Variants in GTF2E2 observed in about 807,000 individuals in gnomAD.
GTF2E2 encodes the protein transcription initiation factor IIE subunit beta.
In GTF2E2, 21 loss-of-function variants were observed where a neutral mutation model predicts 40.5. That is an observed-to-expected ratio of 0.52 (90% CI 0.37 to 0.75). GTF2E2 has a LOEUF of 0.75. Among genes scored for constraint, GTF2E2 ranks in the 30% least tolerant of loss-of-function variants. GTF2E2 has a pLI of 0.00. For synonymous variants in GTF2E2, 117 were observed against 121.6 expected, an observed-to-expected ratio of 0.96 and a Z score of 0.25; for missense variants, 298 against 338.4, an observed-to-expected ratio of 0.88 and a Z score of 0.94.
At chr8:30,610,618 T>C (rs1254298850) in intron 5 of GTF2E2, among the ~76,000 whole-genome samples, 1 of 152,076 alleles carries the variant, frequency 6.6e-6, no homozygotes, top group Non-Finnish European at 1.5e-5. Flanking sequence ...GGTCTCTTCA[T>C]CAAGACACTG....
chr8:30,625,955 C>G (rs1472975942), intron 3 of GTF2E2, among the ~76,000 whole-genome samples: 3 of 152,136 alleles, frequency 2.0e-5, no homozygotes, highest in African/African-American at 4.8e-5. Context: ...AATTGGTAAG[C>G]TCTATATGGC....
chr8:30,615,617 A>T (rs1800898667), intron 3 of GTF2E2, among the ~76,000 whole-genome samples: 1 of 152,226 alleles, frequency 6.6e-6, no homozygotes, highest in Non-Finnish European at 1.5e-5. Flanking sequence ...ATAAGTTAAA[A>T]AACATATGTA....
chr8:30,646,436 GGGCT>G (rs1802078740), intron 2 of GTF2E2, among the ~76,000 whole-genome samples: 4 of 151,078 alleles, frequency 2.6e-5, no homozygotes, highest in South Asian at 2.1e-4. Flanking sequence ...GGAATTCCAA[GGGCT>G]ATATAGATAT....
chr8:30,592,597 C>T (rs2979502), intron 6 of GTF2E2, among the ~76,000 whole-genome samples: 59,375 of 151,976 alleles, frequency 0.39, 12,056 homozygotes, highest in African/African-American at 0.51. Context: ...TACATATAAC[C>T]TATGCCTATC....
intron 2 of GTF2E2, chr8:30,646,029 T>C: frequency 6.5e-6 from 1 of 153,574 alleles, no homozygotes; most frequent in Non-Finnish European, 1.5e-5. Context: ...CACTTATATA[T>C]ATAAAGTTCC....
chr8:30,586,116 C>T (rs1026442248), intron 6 of GTF2E2, among the ~76,000 whole-genome samples: 3 of 152,166 alleles, frequency 2.0e-5, no homozygotes, highest in Admixed American at 6.6e-5. Context: ...AGAATCTCAA[C>T]GAGCAACACG....
At chr8:30,598,392 A>G (rs1384502569) in intron 6 of GTF2E2, among the ~76,000 whole-genome samples, 1 of 152,270 alleles carries the variant, frequency 6.6e-6, no homozygotes, top group Non-Finnish European at 1.5e-5. Context: ...ATTACTGTAT[A>G]GAAAGAACAC....
At chr8:30,603,311 T>C (rs749272124) in intron 6 of GTF2E2, among the ~76,000 whole-genome samples, 4 of 151,970 alleles carry the variant, frequency 2.6e-5, no homozygotes, top group Non-Finnish European at 5.9e-5. Context: ...GATGGGGAGA[T>C]TACAACATAT....
At chr8:30,608,126 G>A (rs892823873) in intron 5 of GTF2E2, among the ~76,000 whole-genome samples, 1 of 152,134 alleles carries the variant, frequency 6.6e-6, no homozygotes, top group Admixed American at 6.6e-5. Flanking sequence ...ACAATTATTA[G>A]ATGAATCAAA....
intron 3 of GTF2E2, among the ~76,000 whole-genome samples, chr8:30,619,282 C>T (rs1455405597): frequency 6.6e-6 from 1 of 151,876 alleles, no homozygotes; most frequent in African/African-American, 2.4e-5. Context: ...GTTTTATAAT[C>T]TTTATTTTTA....
At chr8:30,649,610 T>C (rs1329241665) in intron 2 of GTF2E2, among the ~76,000 whole-genome samples, 2 of 152,156 alleles carry the variant, frequency 1.3e-5, no homozygotes, top group Non-Finnish European at 2.9e-5. Flanking sequence ...TTTGGGAAGC[T>C]GAGGCAGGCA....
chr8:30,644,921 T>C (rs1802011434), intron 2 of GTF2E2, among the ~76,000 whole-genome samples: 2 of 151,708 alleles, frequency 1.3e-5, no homozygotes, highest in Non-Finnish European at 2.9e-5. Flanking sequence ...TGGCTAATTT[T>C]TGTATGTTTT....
chr8:30,611,745 G>A (rs1003411179), intron 5 of GTF2E2, among the ~76,000 whole-genome samples: 2 of 152,118 alleles, frequency 1.3e-5, no homozygotes, highest in African/African-American at 4.8e-5. Context: ...TTCTTCTACA[G>A]GCAGCAAAAT....
In GTF2E2 at chr8:30,578,903, C is replaced by T. The variant is rs1451178929; in HGVS notation, c.*18G>A. 2 of 1,220,242 alleles carry T rather than the reference C, an allele frequency of 1.6e-6. No individual in the cohort carries two copies. Among genetic ancestry groups the T allele is most frequent in the Admixed American group, 3.4e-5 (2 of 59,526 alleles). The allele number at this position is 1,220,242 out of a possible 1,614,324, so 75.6% of individuals were successfully genotyped here. ...TTGATTGTGTATCTGTAACTCTGTT[C>T]CAGGGCAAAACTGTTCCCTATTTGC... On this transcript the variant is annotated 3_prime_UTR_variant, in exon 8 of 8. Coordinates refer to ENST00000355904, the MANE Select transcript of GTF2E2 (RefSeq NM_002095.6).
intron 3 of GTF2E2, among the ~76,000 whole-genome samples, chr8:30,632,903 T>C (rs1801482988): frequency 6.6e-6 from 1 of 152,208 alleles, no homozygotes; most frequent in African/African-American, 2.4e-5. Context: ...AATTAACTTA[T>C]ATATTTGAAC....
In GTF2E2 at chr8:30,580,243, G is replaced by C. The variant is rs943525567; in HGVS notation, c.759+38C>G. ...AAGCGGAGCAGGCTAACAGTTCCCA[G>C]GGCAGGGGATTAAGCTGCTTTGCTA... is the stretch of plus-strand genomic sequence containing the variant. On this transcript the variant is annotated intron_variant, in intron 7 of 7. Transcript: ENST00000355904. The C allele has an allele frequency of 5.4e-6, 6 of 1,118,682 alleles. No homozygotes were observed. In the African/African-American group the frequency reaches 7.6e-5, roughly 14 times the overall value. The allele number at this position is 1,118,682 out of a possible 1,614,324, so 69.3% of individuals were successfully genotyped here. A position where few individuals can be genotyped will look rare whatever the true frequency, so the allele number is the denominator to read the frequency against.
chr8:30,608,146 C>CA (rs1829376872), intron 5 of GTF2E2, among the ~76,000 whole-genome samples: 1 of 152,134 alleles, frequency 6.6e-6, no homozygotes, highest in Non-Finnish European at 1.5e-5. Context: ...AATATGAATG[C>CA]AAAAAGCCAA....
At chr8:30,644,970 G>C (rs1802014325) in intron 2 of GTF2E2, among the ~76,000 whole-genome samples, 1 of 151,860 alleles carries the variant, frequency 6.6e-6, no homozygotes, top group Non-Finnish European at 1.5e-5. Context: ...GGCTGGTCTT[G>C]AACTCCTGGG....
intron 3 of GTF2E2, among the ~76,000 whole-genome samples, chr8:30,618,557 G>C (rs1198704269): frequency 1.3e-5 from 2 of 152,022 alleles, no homozygotes; most frequent in Non-Finnish European, 2.9e-5. Context: ...ATGGATTGTG[G>C]AGAATTTTTT....
Sources: allele counts gnomAD v4.1 joint callset (sites outside exome capture counted in the v4.1 genomes callset), GRCh38; gene constraint gnomAD v4.1.1; transcripts MANE v1.5; gene names NCBI Gene and HGNC (gene_info 2026-07-23, HGNC 2026-07-21).